The following ZNF737 variants were observed in gnomAD, a reference collection of about 807,000 sequenced individuals.
The protein encoded by ZNF737 is zinc finger protein 737, also known as zinc finger protein 102 (Y3).
Under a neutral mutation model 11.7 loss-of-function variants are expected in ZNF737, and 13 were observed. The observed-to-expected ratio is 1.11, with a 90% confidence interval of 0.73 to 1.77. The LOEUF (loss-of-function observed/expected upper bound fraction) is 1.77, where lower values mean the gene tolerates loss of function less well. Ranked by LOEUF, ZNF737 falls within the 40% of genes most tolerant of loss-of-function variation. The pLI, the probability that ZNF737 is intolerant of heterozygous loss-of-function variation, is 0.00. For missense variants in ZNF737, 636 were observed against 638.0 expected (o/e 1.00, Z 0.03); for synonymous variants, 217 against 216.2 (o/e 1.00, Z -0.03).
intron 1 of ZNF737, among the ~76,000 whole-genome samples, chr19:20,555,826 C>CTT (rs144778054): frequency 0.018 from 2,625 of 148,852 alleles, 77 homozygotes; most frequent in African/African-American, 0.061. Context: ...AAAGAAAAGC[C>CTT]TTTTTTTTTT....
intron 1 of ZNF737, among the ~76,000 whole-genome samples, chr19:20,563,526 C>T (rs1555763007): frequency 6.7e-6 from 1 of 149,258 alleles, no homozygotes; most frequent in African/African-American, 2.5e-5. Context: ...CACCCTGTGG[C>T]CCAGGCTGGA....
At chr19:20,552,285 A>C (rs1285960404) in intron 3 of ZNF737, among the ~76,000 whole-genome samples, 190 bp downstream of exon 3, 2 of 151,882 alleles carry the variant, frequency 1.3e-5, no homozygotes, top group Admixed American at 6.6e-5. Context: ...ACAGAATTTA[A>C]AAGCATAAGC....
Position 20,552,477 on chromosome 19 carries a change from G to A in ZNF737, c.224C>T (p.Ser75Leu). 1 of 1,581,968 alleles carries A rather than the reference G, an allele frequency of 6.3e-7. No homozygotes were observed. Among genetic ancestry groups the A allele is most frequent in the Admixed American group, 1.9e-5 (1 of 53,108 alleles). Residue 75 changes from serine to leucine, a missense_variant and splice_region_variant, in exon 3 of 4, where the codon TCA (serine) becomes TTA (leucine). Transcript: ENST00000427401. ...TATTCATTTTCACTTGCACCTACCT[G>A]AGGGGTTGGCTACCATCTCATGTTT... ...MKKHEMVANP[S>L]VTCSHFARDL...
rs1555756903 is a variant in ZNF737 at position 20,545,819 on chromosome 19, T to G, written c.384A>C (p.Arg128Ser). The change falls in exon 4 of 4, where the codon AGA becomes AGC. Residue 128 changes from arginine (R) to serine (S), a missense_variant. Arg to Ser is a moderately radical substitution (Grantham distance 110, BLOSUM62 -1). Coordinates refer to ENST00000427401, the MANE Select transcript of ZNF737 (RefSeq NM_001159293.2). ...AATATTGGTTAAGTCCATTATAACCTCTTTTGTGCACCTTACACTCATCTA... is the reference window on the plus strand; with the variant it reads ...AATATTGGTTAAGTCCATTATAACCGCTTTTGTGCACCTTACACTCATCTA... ...ESVDECKVHK[R>S]GYNGLNQYLT... The G allele has an allele frequency of 6.2e-7, 1 of 1,613,430 alleles. No homozygotes were observed. Among genetic ancestry groups the G allele is most frequent in the Admixed American group, 1.7e-5 (1 of 59,922 alleles).
Position 20,544,218 on chromosome 19 carries a change from G to C in ZNF737, c.*374C>G. 1 of 1,030,172 alleles carries C rather than the reference G, an allele frequency of 9.7e-7. No individual in the cohort carries two copies. The allele number at this position is 1,030,172 out of a possible 1,614,324, so 63.8% of individuals were successfully genotyped here. ...GTCCAGCATGAATTATGTGTAAGAA[G>C]GGTTCAGAACTTCCTAAAAGCGTTG... On this transcript the variant is annotated 3_prime_UTR_variant, in exon 4 of 4. Transcript: ENST00000427401.
Position 20,542,784 on chromosome 19 carries a change from T to TA in ZNF737, c.*1807dup, listed in dbSNP as rs557389821. On this transcript the variant is annotated 3_prime_UTR_variant, in exon 4 of 4. Transcript: ENST00000427401. Reference sequence around the variant, plus strand: ...AAAAAGTCATAATGTCCAAATAATGTAAAAAAATCGAATATCTCTGATGCA... The same window carrying TA: ...AAAAAGTCATAATGTCCAAATAATGTAAAAAAAATCGAATATCTCTGATGCA... The TA allele has an allele frequency of 9.5e-4, 932 of 985,280 alleles. 10 individuals are homozygous for TA. In the African/African-American group the frequency reaches 0.015, roughly 16 times the overall value. The allele number at this position is 985,280 out of a possible 1,614,324, so 61.0% of individuals were successfully genotyped here. A position where few individuals can be genotyped will look rare whatever the true frequency, so the allele number is the denominator to read the frequency against.
rs1310385560 is a variant in ZNF737 at position 20,540,889 on chromosome 19, T to C, written c.*3703A>G. 1 of 961,660 alleles carries C rather than the reference T, an allele frequency of 1.0e-6. No homozygotes were observed. The highest frequency in any genetic ancestry group is 1.1e-4 in the East Asian group (1 of 8,700). The allele number at this position is 961,660 out of a possible 1,614,324, so 59.6% of individuals were successfully genotyped here. ...CTATTTTTCTGGCTTAAATTATTTT[T>C]TATGCACCATTTATACATTCACACA... is the stretch of plus-strand genomic sequence containing the variant. On this transcript the variant is annotated 3_prime_UTR_variant, in exon 4 of 4. Transcript: ENST00000427401.
At position 20,543,212 on chromosome 19, in the gene ZNF737, A is replaced by T. The variant is rs1968292228; in HGVS notation, c.*1380T>A. 10 of 984,988 alleles carry T rather than the reference A, an allele frequency of 1.0e-5. No individual in the cohort carries two copies. The highest frequency in any genetic ancestry group is 1.2e-5 in the Non-Finnish European group (10 of 829,728). 61.0% of individuals were successfully genotyped at this position (984,988 alleles called of 1,614,324 possible). ...TAAGCTGTAGTTTCTGGGGAAAAAA[A>T]AGTGTTTCTAAACTTAATACATTTG... On this transcript the variant is annotated 3_prime_UTR_variant, in exon 4 of 4. Coordinates refer to ENST00000427401, the MANE Select transcript of ZNF737 (RefSeq NM_001159293.2).
intron 1 of ZNF737, among the ~76,000 whole-genome samples, chr19:20,556,536 T>C (rs574304443): frequency 3.6e-4 from 55 of 152,336 alleles, no homozygotes; most frequent in African/African-American, 1.2e-3. Flanking sequence ...AAAGGGTCCA[T>C]GAATGGGTGT....
chr19:20,535,577 G>A (rs2122447832), downstream of ZNF737, among the ~76,000 whole-genome samples: 1 of 149,584 alleles, frequency 6.7e-6, no homozygotes, highest in African/African-American at 2.5e-5. Flanking sequence ...CCAAGCTGGA[G>A]TGCAGTGGCA....
Position 20,544,880 on chromosome 19 carries a change from A to G in ZNF737, c.1323T>C (p.Thr441=), listed in dbSNP as rs1555756218. 1.9e-6 allele frequency: 3 copies of G among 1,613,660 alleles called. No homozygotes were observed. The highest frequency in any genetic ancestry group is 2.5e-6 in the Non-Finnish European group (3 of 1,179,890). ...CTCCAGTATGAATTCTCTTATGTGT[A>G]GTAAGGATAGAGAAGCACTTAAAGG... ...GKAFKCFSIL[T]THKRIHTGEK... is the part of the protein sequence containing the mutation. Residue 441 remains threonine (T), a synonymous_variant, in exon 4 of 4, where the codon ACT becomes ACC. Coordinates refer to ENST00000427401, the MANE Select transcript of ZNF737 (RefSeq NM_001159293.2).
chr19:20,544,247 C>T lies in ZNF737; in HGVS notation c.*345G>A. The T allele has an allele frequency of 9.3e-7, 1 of 1,070,910 alleles. No homozygotes were observed. The highest frequency in any genetic ancestry group is 1.1e-6 in the Non-Finnish European group (1 of 884,694). 66.3% of individuals were successfully genotyped at this position (1,070,910 alleles called of 1,614,324 possible). A position where few individuals can be genotyped will look rare whatever the true frequency, so the allele number is the denominator to read the frequency against. On this transcript the variant is annotated 3_prime_UTR_variant, in exon 4 of 4. Transcript: ENST00000427401. The stretch of plus-strand genomic sequence containing the variant: ...TCAGAACTTCCTAAAAGCGTTGTCA[C>T]ATTCTTTATATTTGTAGGGTTTATG...
At position 20,540,397 on chromosome 19, in the gene ZNF737, C is replaced by T. The variant is rs778227012; in HGVS notation, c.*4195G>A. 1.7e-3 allele frequency among the ~76,000 whole-genome samples: 256 copies of T among 152,256 alleles called. No homozygotes were observed. The highest frequency in any genetic ancestry group is 3.3e-3 in the Non-Finnish European group (222 of 68,016). ...CACTCAAGAGGAAAGTATGACACAG[C>T]ACGTGTGCAACAGACTGGTAATCCA... On this transcript the variant is annotated 3_prime_UTR_variant, in exon 4 of 4. Transcript: ENST00000427401.
chr19:20,531,349 G>A (rs1319055889), downstream of ZNF737, among the ~76,000 whole-genome samples: 3 of 149,502 alleles, frequency 2.0e-5, no homozygotes, highest in African/African-American at 7.4e-5. Flanking sequence ...TTCTGTTGTT[G>A]ATTTTAAAAT....
intron 3 of ZNF737, among the ~76,000 whole-genome samples, chr19:20,549,907 G>A (rs1968603180): frequency 6.9e-6 from 1 of 145,494 alleles, no homozygotes; most frequent in Non-Finnish European, 1.5e-5. Flanking sequence ...TCCAGCCTGG[G>A]TGACAGAGTG....
intron 3 of ZNF737, among the ~76,000 whole-genome samples, chr19:20,549,108 T>TA (rs1214592392): frequency 6.6e-6 from 1 of 151,792 alleles, no homozygotes; most frequent in Non-Finnish European, 1.5e-5. Flanking sequence ...TTAGACAAGA[T>TA]AAAACTACCA....
intron 1 of ZNF737, among the ~76,000 whole-genome samples, chr19:20,555,187 C>CTTT (rs111947599): frequency 7.4e-6 from 1 of 136,034 alleles, no homozygotes; most frequent in South Asian, 2.5e-4. Context: ...CTTTTCTTTT[C>CTTT]TTTTCTTTTT....
intron 1 of ZNF737, among the ~76,000 whole-genome samples, chr19:20,554,328 G>A (rs1968806522): frequency 1.3e-5 from 2 of 152,130 alleles, no homozygotes; most frequent in African/African-American, 4.8e-5. Flanking sequence ...AGGATATTTT[G>A]TCAAACATCC....
At chr19:20,535,412 A>G (rs1555753625), downstream of ZNF737, among the ~76,000 whole-genome samples, 1 of 152,202 alleles carries the variant, frequency 6.6e-6, no homozygotes, top group Non-Finnish European at 1.5e-5. Context: ...ATACACAATG[A>G]AATGCTATTC....
Sources: gnomAD v4.1 joint callset for allele counts (sites outside exome capture counted in the v4.1 genomes callset) on GRCh38, gnomAD v4.1.1 for gene constraint, MANE v1.5 for transcripts, NCBI Gene and HGNC (gene_info 2026-07-23, HGNC 2026-07-21) for gene names.